Variants in PTPRT observed in about 807,000 individuals in gnomAD.
PTPRT encodes the protein protein tyrosine phosphatase receptor type T.
PTPRT carries 56 observed loss-of-function variants against 176.8 expected under a neutral mutation model. The observed-to-expected ratio is 0.32, with a 90% CI of 0.26 to 0.40. The LOEUF is 0.40. PTPRT is among the 10% of genes least tolerant of loss of function. PTPRT has a pLI of 1.00. For missense variants in PTPRT, 1,540 were observed against 1,908.2 expected, an observed-to-expected ratio of 0.81 and a Z score of 3.60; for synonymous variants, 783 against 739.0, an observed-to-expected ratio of 1.06 and a Z score of -0.96.
chr20:42,540,877 G>A (rs1162694719), intron 7 of PTPRT, among the ~76,000 whole-genome samples: 2 of 152,096 alleles, frequency 1.3e-5, no homozygotes, highest in Non-Finnish European at 2.9e-5. Context: ...GAAGGTAGGT[G>A]GAAGGGATGC....
At chr20:42,128,288 C>T (rs1987956420) in intron 19 of PTPRT, among the ~76,000 whole-genome samples, 1 of 152,148 alleles carries the variant, frequency 6.6e-6, no homozygotes, top group African/African-American at 2.4e-5. Context: ...GTTATCTGTA[C>T]TTTTGACACT....
At chr20:42,398,220 C>A (rs942761425) in intron 9 of PTPRT, among the ~76,000 whole-genome samples, 10 of 151,734 alleles carry the variant, frequency 6.6e-5, no homozygotes, top group African/African-American at 2.4e-4. Context: ...AAGGAATAAC[C>A]AATAGATGTG....
chr20:42,883,361 G>T (rs2079035151), intron 2 of PTPRT, among the ~76,000 whole-genome samples: 1 of 152,076 alleles, frequency 6.6e-6, no homozygotes, highest in African/African-American at 2.4e-5. Flanking sequence ...AAGTAAAATG[G>T]CAGAACAAAG....
intron 1 of PTPRT, among the ~76,000 whole-genome samples, chr20:43,088,244 A>G (rs1359137894): frequency 2.0e-5 from 3 of 152,048 alleles, no homozygotes; most frequent in Non-Finnish European, 4.4e-5. Context: ...ATACCATCTT[A>G]GTTCAAGAGT....
At position 42,724,553 on chromosome 20, in the gene PTPRT, G is replaced by A. The variant is rs140454396; in HGVS notation, c.859+31909C>T. On this transcript the variant is annotated intron_variant, in intron 6 of 30. Transcript: ENST00000373187. ...CCCTCCCCTGCCCCTTGAGACCTGG[G>A]AAGTAACAGCTCCCTGCTATTGTTT... 4.8e-3 allele frequency among the ~76,000 whole-genome samples: 729 copies of A among 152,298 alleles called. 7 individuals are homozygous for A. The highest frequency in any genetic ancestry group is 8.9e-3 in the South Asian group (43 of 4,830).
intron 16 of PTPRT, among the ~76,000 whole-genome samples, chr20:42,180,302 C>T (rs939661404): frequency 3.3e-5 from 5 of 152,142 alleles, no homozygotes; most frequent in Admixed American, 2.0e-4. Flanking sequence ...CACATGCTTG[C>T]CTTGGGAGCC....
At chr20:42,405,173 CA>C (rs2058948563) in intron 9 of PTPRT, among the ~76,000 whole-genome samples, 2 of 150,680 alleles carry the variant, frequency 1.3e-5, no homozygotes, top group African/African-American at 2.4e-5. Flanking sequence ...AGTGATTTCG[CA>C]GGCCACATTT....
intron 8 of PTPRT, among the ~76,000 whole-genome samples, chr20:42,466,785 T>C (rs2145907141): frequency 6.6e-6 from 1 of 152,206 alleles, no homozygotes; most frequent in African/African-American, 2.4e-5. Flanking sequence ...AAGATGTATA[T>C]CTTAGTGCCA....
At chr20:42,536,605 A>T (rs1358865781) in intron 7 of PTPRT, among the ~76,000 whole-genome samples, 1 of 152,104 alleles carries the variant, frequency 6.6e-6, no homozygotes, top group Admixed American at 6.5e-5. Context: ...TCTAAAATGA[A>T]GACAGTAACA....
At chr20:42,323,310 CAT>C (rs2057831022) in intron 11 of PTPRT, among the ~76,000 whole-genome samples, 1 of 151,778 alleles carries the variant, frequency 6.6e-6, no homozygotes, top group Non-Finnish European at 1.5e-5. Context: ...CACATGCACA[CAT>C]ATGTTTATTG....
chr20:42,313,156 A>G (rs1213582564), intron 12 of PTPRT, among the ~76,000 whole-genome samples: 1 of 152,168 alleles, frequency 6.6e-6, no homozygotes, highest in Non-Finnish European at 1.5e-5. Flanking sequence ...TCATCAGGAC[A>G]GTTTACAAAT....
At chr20:42,757,810 C>T (rs973482558) in intron 5 of PTPRT, among the ~76,000 whole-genome samples, 3 of 152,226 alleles carry the variant, frequency 2.0e-5, no homozygotes, top group Admixed American at 2.0e-4. Context: ...GAACAAACCT[C>T]TTTCACAGTT....
At chr20:42,992,446 C>A (rs1688151016) in intron 1 of PTPRT, among the ~76,000 whole-genome samples, 1 of 152,222 alleles carries the variant, frequency 6.6e-6, no homozygotes, top group South Asian at 2.1e-4. Context: ...GGCCAGTAAG[C>A]TGGCCCAGGA....
At chr20:43,156,052 C>A (rs1200428553) in intron 1 of PTPRT, among the ~76,000 whole-genome samples, 1 of 152,188 alleles carries the variant, frequency 6.6e-6, no homozygotes, top group Non-Finnish European at 1.5e-5. Flanking sequence ...ATTCACGACA[C>A]CTCCAAGCAA....
intron 2 of PTPRT, among the ~76,000 whole-genome samples, chr20:42,840,013 C>A (rs1393620336): frequency 6.6e-6 from 1 of 152,132 alleles, no homozygotes; most frequent in Non-Finnish European, 1.5e-5. Context: ...TAACACAGTA[C>A]CACAAACTGG....
intron 15 of PTPRT, among the ~76,000 whole-genome samples, chr20:42,220,149 A>T (rs1435691167): frequency 6.6e-6 from 1 of 152,172 alleles, no homozygotes; most frequent in Non-Finnish European, 1.5e-5. Flanking sequence ...GTAGCACCCA[A>T]AAAAGAAACA....
chr20:43,024,070 A>T (rs1021933331), intron 1 of PTPRT, among the ~76,000 whole-genome samples: 1 of 152,100 alleles, frequency 6.6e-6, no homozygotes, highest in Admixed American at 6.6e-5. Context: ...GAGCACAGTG[A>T]GTATGAGCAC....
intron 2 of PTPRT, among the ~76,000 whole-genome samples, chr20:42,885,214 A>C (rs2079083156): frequency 6.8e-6 from 1 of 147,314 alleles, no homozygotes; most frequent in Non-Finnish European, 1.5e-5. Flanking sequence ...GTATCCCTAA[A>C]TATATATATA....
intron 15 of PTPRT, among the ~76,000 whole-genome samples, chr20:42,209,395 G>A (rs937360098): frequency 5.3e-4 from 81 of 151,882 alleles, no homozygotes; most frequent in South Asian, 1.3e-3. Context: ...TTGATAGACT[G>A]CTAGCAAGAC....
Sources: gnomAD v4.1 joint callset for allele counts (sites outside exome capture counted in the v4.1 genomes callset) on GRCh38, gnomAD v4.1.1 for gene constraint, MANE v1.5 for transcripts, NCBI Gene and HGNC (gene_info 2026-07-23, HGNC 2026-07-21) for gene names.